The following SPOCK3 variants were observed in gnomAD, a reference collection of about 807,000 sequenced individuals.
SPOCK3 encodes the protein SPARC (osteonectin), cwcv and kazal like domains proteoglycan 3.
SPOCK3 carries 30 observed loss-of-function variants against 56.6 expected under a neutral mutation model. The ratio of observed to expected loss-of-function variants is 0.53; its 90% CI spans 0.40 to 0.72. The LOEUF is 0.72. Among genes scored for constraint, SPOCK3 ranks in the 30% least tolerant of loss-of-function variants. SPOCK3 has a pLI of 0.00. For missense variants in SPOCK3, 527 were observed against 530.0 expected, an observed-to-expected ratio of 0.99 and a Z score of 0.06; for synonymous variants, 196 against 183.3, an observed-to-expected ratio of 1.07 and a Z score of -0.56.
chr4:166,866,580 T>A lies in SPOCK3; in HGVS notation c.589+22550A>T, dbSNP rs560945994. Among the ~76,000 whole-genome samples, 12 of 151,976 alleles carry A rather than the reference T, an allele frequency of 7.9e-5. No homozygotes were observed. The East Asian group carries it at 1.9e-3, about 25-fold the overall frequency. ...AGTCTACAAGGAACTTAAACAAATT[T>A]ACAAGAAAAAAGAAAATGACTCAAT... On this transcript the variant is annotated intron_variant, in intron 6 of 10. Transcript: ENST00000357545.
chr4:167,137,346 AC>A (rs947291233), intron 2 of SPOCK3, among the ~76,000 whole-genome samples: 2 of 151,960 alleles, frequency 1.3e-5, no homozygotes, highest in African/African-American at 4.8e-5. Flanking sequence ...AAATAATAGA[AC>A]CTGAGTTAAT....
At chr4:167,089,979 G>C (rs1303625090) in intron 2 of SPOCK3, among the ~76,000 whole-genome samples, 1 of 151,914 alleles carries the variant, frequency 6.6e-6, no homozygotes, top group African/African-American at 2.4e-5. Flanking sequence ...TTATTGCTGA[G>C]TAATATTCCA....
At chr4:166,747,022 C>T (rs1560814113) in intron 8 of SPOCK3, among the ~76,000 whole-genome samples, 1 of 152,120 alleles carries the variant, frequency 6.6e-6, no homozygotes, top group Non-Finnish European at 1.5e-5. Flanking sequence ...AGTCCAGGAC[C>T]AGATGGATTC....
intron 2 of SPOCK3, among the ~76,000 whole-genome samples, chr4:167,189,787 C>T (rs1732320306): frequency 6.9e-6 from 1 of 145,580 alleles, no homozygotes; most frequent in South Asian, 2.1e-4. Flanking sequence ...TCATTTCTTC[C>T]ACCACCTAGT....
chr4:167,119,880 GC>G (rs1487964445), intron 2 of SPOCK3: 2 of 1,496,612 alleles, frequency 1.3e-6, no homozygotes, highest in African/African-American at 2.8e-5. Flanking sequence ...TCTTACTAAT[GC>G]CCCAAAGGTT....
chr4:166,958,121 G>T (rs1183899692), intron 4 of SPOCK3, among the ~76,000 whole-genome samples: 1 of 152,140 alleles, frequency 6.6e-6, no homozygotes, highest in Non-Finnish European at 1.5e-5. Flanking sequence ...GACCATGGGG[G>T]TGGATTTCTC....
chr4:166,904,286 T>A (rs1380118657), intron 5 of SPOCK3, among the ~76,000 whole-genome samples: 1 of 151,964 alleles, frequency 6.6e-6, no homozygotes, highest in South Asian at 2.1e-4. Flanking sequence ...AATTAAGAAG[T>A]TAATGCATAT....
chr4:167,159,994 C>T (rs1765149540), intron 2 of SPOCK3, among the ~76,000 whole-genome samples: 2 of 152,068 alleles, frequency 1.3e-5, no homozygotes, highest in African/African-American at 2.4e-5. Context: ...ACAGGGATGC[C>T]CTCTCTCACC....
intron 7 of SPOCK3, among the ~76,000 whole-genome samples, chr4:166,782,339 T>G (rs1740273161): frequency 6.6e-6 from 1 of 152,154 alleles, no homozygotes; most frequent in Admixed American, 6.5e-5. Context: ...AGAAAAAATC[T>G]AATAGAACTG....
chr4:166,983,623 G>T (rs74502890), intron 4 of SPOCK3, among the ~76,000 whole-genome samples: 16,335 of 151,988 alleles, frequency 0.11, 1,101 homozygotes, highest in Middle Eastern at 0.23. Flanking sequence ...CTAGAAGAGA[G>T]GATTTTGAAT....
chr4:167,055,524 G>A (rs540953491), intron 3 of SPOCK3, among the ~76,000 whole-genome samples: 9 of 152,296 alleles, frequency 5.9e-5, no homozygotes, highest in Admixed American at 2.0e-4. Flanking sequence ...GAAGCCCAAG[G>A]GGTCAGGGAG....
At chr4:166,891,626 T>C (rs750546515) in intron 5 of SPOCK3, among the ~76,000 whole-genome samples, 1 of 152,042 alleles carries the variant, frequency 6.6e-6, no homozygotes, top group African/African-American at 2.4e-5. Flanking sequence ...TTTTTAAATG[T>C]AATTTAAAAG....
At chr4:167,165,451 G>GAA (rs964437259) in intron 2 of SPOCK3, among the ~76,000 whole-genome samples, 1 of 151,906 alleles carries the variant, frequency 6.6e-6, no homozygotes, top group African/African-American at 2.4e-5. Flanking sequence ...ACAAATATAT[G>GAA]AAAAAAAGCT....
chr4:167,160,021 T>C (rs934238582), intron 2 of SPOCK3, among the ~76,000 whole-genome samples: 1 of 152,036 alleles, frequency 6.6e-6, no homozygotes, highest in South Asian at 2.1e-4. Context: ...ATTCAACATA[T>C]TGTTGGAAGT....
chr4:167,022,759 C>A (rs1035291871), intron 3 of SPOCK3, among the ~76,000 whole-genome samples: 1 of 151,952 alleles, frequency 6.6e-6, no homozygotes, highest in Non-Finnish European at 1.5e-5. Flanking sequence ...ACTTAAATTA[C>A]AAATAGACCC....
intron 6 of SPOCK3, among the ~76,000 whole-genome samples, chr4:166,832,691 G>T (rs560400674): frequency 6.6e-6 from 1 of 152,256 alleles, no homozygotes; most frequent in East Asian, 1.9e-4. Flanking sequence ...AGAAAATGTG[G>T]TACTTACACA....
At chr4:167,207,432 T>TA (rs1430468717) in intron 2 of SPOCK3, among the ~76,000 whole-genome samples, 1 of 152,072 alleles carries the variant, frequency 6.6e-6, no homozygotes, top group Non-Finnish European at 1.5e-5. Flanking sequence ...ATGTAGGAAA[T>TA]AAAAATAATA....
At chr4:166,735,595 TA>T (rs112741645) in intron 10 of SPOCK3, among the ~76,000 whole-genome samples, 67 of 145,458 alleles carry the variant, frequency 4.6e-4, no homozygotes, top group Middle Eastern at 3.6e-3. Flanking sequence ...GTTCTTAAAA[TA>T]AAAAAAAAAA....
At chr4:167,161,285 G>A (rs1217853963) in intron 2 of SPOCK3, among the ~76,000 whole-genome samples, 5 of 152,040 alleles carry the variant, frequency 3.3e-5, no homozygotes, top group Non-Finnish European at 5.9e-5. Flanking sequence ...AGACACATGA[G>A]AAAATGCTCA....
Sources: allele counts gnomAD v4.1 joint callset (sites outside exome capture counted in the v4.1 genomes callset), GRCh38; gene constraint gnomAD v4.1.1; transcripts MANE v1.5; gene names NCBI Gene and HGNC (gene_info 2026-07-23, HGNC 2026-07-21).